The following ACTR3B variants were observed in gnomAD, a reference collection of about 807,000 sequenced individuals.
ACTR3B encodes the protein actin-related protein 3B.
A neutral mutation model predicts 59.0 loss-of-function variants in ACTR3B; 8 were observed. That is an observed-to-expected ratio of 0.14 (90% CI 0.08 to 0.24). The LOEUF is 0.24. Ranked by LOEUF, ACTR3B falls within the 10% of genes least tolerant of loss-of-function variation. The probability of loss-of-function intolerance (pLI) is 1.00; values close to 1 mark genes in which losing one functional copy is unlikely to be tolerated. For missense variants in ACTR3B, 245 were observed against 552.3 expected (o/e 0.44, Z 5.58); for synonymous variants, 148 against 197.9 (o/e 0.75, Z 2.12).
At chr7:152,802,648 A>C (rs2116745435) in intron 4 of ACTR3B, among the ~76,000 whole-genome samples, 1 of 151,168 alleles carries the variant, frequency 6.6e-6, no homozygotes, top group Non-Finnish European at 1.5e-5. Context: ...TTATATGTAC[A>C]GAATGCTTGC....
intron 9 of ACTR3B, among the ~76,000 whole-genome samples, chr7:152,838,765 T>C (rs1264504946): frequency 1.3e-5 from 2 of 152,244 alleles, no homozygotes; most frequent in African/African-American, 4.8e-5. Flanking sequence ...CACTTTTTGC[T>C]CTATTAGGAG....
intron 2 of ACTR3B, among the ~76,000 whole-genome samples, chr7:152,792,835 G>A (rs1401840280): frequency 1.3e-5 from 2 of 152,096 alleles, no homozygotes; most frequent in African/African-American, 4.8e-5. Context: ...TTTGAAGTAG[G>A]TGTGCTGTTG....
At chr7:152,804,003 G>T (rs1366370218) in intron 4 of ACTR3B, among the ~76,000 whole-genome samples, 3 of 152,140 alleles carry the variant, frequency 2.0e-5, no homozygotes, top group Admixed American at 6.5e-5. Flanking sequence ...GTGAATTGAA[G>T]ACTTAAAGAG....
chr7:152,777,173 C>T (rs1195203682), intron 1 of ACTR3B, among the ~76,000 whole-genome samples: 1 of 152,106 alleles, frequency 6.6e-6, no homozygotes, highest in Non-Finnish European at 1.5e-5. Context: ...TTACTATCAC[C>T]TGTGTATAAT....
chr7:152,759,890 G>A lies in ACTR3B; in HGVS notation c.8G>A (p.Gly3Asp). Residue 3 changes from glycine (G) to aspartate (D), a missense_variant, in exon 1 of 12, where the codon GGC becomes GAC. This residue lies in a region of ACTR3B where 15 missense variants were observed against 20.6 expected (regional missense o/e 0.73). Coordinates refer to ENST00000256001, the MANE Select transcript of ACTR3B (RefSeq NM_020445.6). The part of the protein sequence containing the change: MA[G>D]SLPPCVVDCG... ...GCGCCGCGCGTCCCGAGCATGGCAG[G>A]CTCCCTGCCTCCCTGCGTGGTGGAC... 12 of 1,366,938 alleles carry A rather than the reference G, an allele frequency of 8.8e-6. No homozygotes were observed. Among genetic ancestry groups the A allele is most frequent in the Non-Finnish European group, 1.1e-5 (12 of 1,050,642 alleles). 84.7% of individuals were successfully genotyped at this position (1,366,938 alleles called of 1,614,324 possible).
intron 2 of ACTR3B, among the ~76,000 whole-genome samples, chr7:152,797,933 C>T (rs942797458): frequency 2.0e-5 from 3 of 152,142 alleles, no homozygotes; most frequent in Admixed American, 1.3e-4. Flanking sequence ...ATCTGTTCAC[C>T]CGTTAATGGA....
chr7:152,818,315 G>A (rs1795870116), intron 6 of ACTR3B, among the ~76,000 whole-genome samples: 1 of 152,168 alleles, frequency 6.6e-6, no homozygotes, highest in Non-Finnish European at 1.5e-5. Flanking sequence ...TCTTAGTTCA[G>A]TTTTTCCTCC....
chr7:152,801,552 G>A (rs1365995632), intron 3 of ACTR3B, 69 bp from the exon 4 acceptor site: 2 of 1,557,640 alleles, frequency 1.3e-6, no homozygotes, highest in Non-Finnish European at 1.7e-6. Flanking sequence ...TTTCTTCTGT[G>A]CCACTGTTAA....
At chr7:152,819,056 A>T (rs887093556) in intron 6 of ACTR3B, among the ~76,000 whole-genome samples, 4 of 152,254 alleles carry the variant, frequency 2.6e-5, no homozygotes, top group Non-Finnish European at 5.9e-5. Flanking sequence ...AATGCATAGA[A>T]TATAATAATT....
At chr7:152,810,138 C>T (rs190709698) in intron 4 of ACTR3B, among the ~76,000 whole-genome samples, 45 of 151,880 alleles carry the variant, frequency 3.0e-4, no homozygotes, top group African/African-American at 1.1e-3. Context: ...ATGGAGTTAA[C>T]TCTTGTTGCC....
chr7:152,802,520 CAAATG>C (rs2098239803), intron 4 of ACTR3B, among the ~76,000 whole-genome samples: 1 of 146,560 alleles, frequency 6.8e-6, no homozygotes, highest in Non-Finnish European at 1.5e-5. Flanking sequence ...TGATTTCATT[CAAATG>C]AAATGAAACA....
At chr7:152,841,316 CCA>C (rs1236408455) in intron 9 of ACTR3B, among the ~76,000 whole-genome samples, 1 of 119,576 alleles carries the variant, frequency 8.4e-6, no homozygotes, top group African/African-American at 3.0e-5. Flanking sequence ...TCGCTTTCTC[CCA>C]GAGTCCTCTG....
chr7:152,781,193 GTTT>G (rs369933153), intron 1 of ACTR3B, among the ~76,000 whole-genome samples: 15 of 94,432 alleles, frequency 1.6e-4, no homozygotes, highest in South Asian at 7.9e-4. Flanking sequence ...CGTTTCAGTG[GTTT>G]TTTTTTTTTT....
At chr7:152,827,002 G>A (rs1434209529) in intron 9 of ACTR3B, among the ~76,000 whole-genome samples, 1 of 151,818 alleles carries the variant, frequency 6.6e-6, no homozygotes, top group Non-Finnish European at 1.5e-5. Flanking sequence ...GCGGAGGGAA[G>A]AGGATTCTTC....
chr7:152,792,148 A>G (rs1484786636), intron 2 of ACTR3B, among the ~76,000 whole-genome samples: 2 of 152,042 alleles, frequency 1.3e-5, no homozygotes, highest in Non-Finnish European at 2.9e-5. Context: ...CGGCCTTCCA[A>G]AGTGCTGGGA....
At chr7:152,852,014 C>T (rs755204942) in intron 9 of ACTR3B, 112 bp from the exon 10 acceptor site, 264 of 1,407,016 alleles carry the variant, frequency 1.9e-4, no homozygotes, top group Non-Finnish European at 2.0e-4. Context: ...TTCATAGGGC[C>T]GATGTGTCGT....
At chr7:152,774,844 G>A (rs1432818620) in intron 1 of ACTR3B, among the ~76,000 whole-genome samples, 2 of 152,112 alleles carry the variant, frequency 1.3e-5, no homozygotes, top group Non-Finnish European at 2.9e-5. Context: ...AATTTACATT[G>A]CACAATATGG....
Position 152,796,887 on chromosome 7 carries a change from T to G in ACTR3B, c.101-3644T>G, listed in dbSNP as rs1356042978. Among the ~76,000 whole-genome samples, 155 of 129,792 alleles carry G rather than the reference T, an allele frequency of 1.2e-3. 5 individuals carry two copies. The highest frequency in any genetic ancestry group is 1.4e-3 in the Non-Finnish European group (87 of 61,538). The allele number at this position is 129,792 out of a possible 152,430, so 85.1% of individuals were successfully genotyped here. A position where few individuals can be genotyped will look rare whatever the true frequency, so the allele number is the denominator to read the frequency against. ...TTTTTTTTTTTTTTTTTTTTTTTTT[T>G]TTTTTTTTTTTGTAGAGACGGGTTT... On this transcript the variant is annotated intron_variant, in intron 2 of 11. Coordinates refer to ENST00000256001, the MANE Select transcript of ACTR3B (RefSeq NM_020445.6).
intron 2 of ACTR3B, among the ~76,000 whole-genome samples, chr7:152,797,104 CTT>C (rs2098220113): frequency 1.3e-5 from 2 of 151,570 alleles, no homozygotes; most frequent in South Asian, 4.2e-4. Context: ...AAAATTTAAA[CTT>C]TTTTGATATA....
Sources: gnomAD v4.1 joint callset for allele counts (sites outside exome capture counted in the v4.1 genomes callset) on GRCh38, gnomAD v4.1.1 for gene constraint, gnomAD v4.1.1 regional missense constraint, MANE v1.5 for transcripts, NCBI Gene and HGNC (gene_info 2026-07-23, HGNC 2026-07-21) for gene names.